RGS6: variants seen among roughly 807,000 people sequenced by gnomAD.
The protein encoded by RGS6 is regulator of G protein signaling 6.
RGS6 carries 30 observed loss-of-function variants against 78.5 expected under a neutral mutation model. That is an observed-to-expected ratio of 0.38 (90% CI 0.29 to 0.52). The LOEUF (loss-of-function observed/expected upper bound fraction) is 0.52. RGS6 is among the 20% of genes least tolerant of loss of function. The probability of loss-of-function intolerance (pLI) is 0.85; values close to 1 mark genes in which losing one functional copy is unlikely to be tolerated. For missense variants in RGS6, 495 were observed against 609.7 expected, an observed-to-expected ratio of 0.81 and a Z score of 1.98; for synonymous variants, 206 against 206.0, an observed-to-expected ratio of 1.00 and a Z score of 0.00.
chr14:72,262,753 C>A (rs1381401766), intron 2 of RGS6, among the ~76,000 whole-genome samples: 3 of 152,208 alleles, frequency 2.0e-5, no homozygotes, highest in Non-Finnish European at 4.4e-5. Flanking sequence ...AAACTCAACT[C>A]AAACTAGCTG....
rs1373423092 is a variant in RGS6 at position 71,981,830 on chromosome 14, G to GGCT, written c.84+16959_84+16961dup. Among the ~76,000 whole-genome samples, 3 of 129,214 alleles carry GGCT rather than the reference G, an allele frequency of 2.3e-5. No individual in the cohort carries two copies. In the Admixed American group the frequency reaches 2.4e-4, roughly 10 times the overall value. The allele number at this position is 129,214 out of a possible 152,430, so 84.8% of individuals were successfully genotyped here. A position where few individuals can be genotyped will look rare whatever the true frequency, so the allele number is the denominator to read the frequency against. ...GGGCTCCACCCAGTTCGAGCTTCCC[G>GGCT]GCTGCTTTGTTTACCTAAGCAAGCC... On this transcript the variant is annotated intron_variant, in intron 2 of 17. Coordinates refer to ENST00000553525, the MANE Select transcript of RGS6 (RefSeq NM_001204424.2).
intron 2 of RGS6, among the ~76,000 whole-genome samples, chr14:72,038,759 A>G (rs1184707937): frequency 6.6e-6 from 1 of 152,180 alleles, no homozygotes; most frequent in Non-Finnish European, 1.5e-5. Context: ...TTTTACATGT[A>G]CTCTACAACT....
intron 2 of RGS6, among the ~76,000 whole-genome samples, chr14:72,115,033 T>G (rs561522367): frequency 1.3e-5 from 2 of 152,284 alleles, no homozygotes; most frequent in South Asian, 4.1e-4. Flanking sequence ...CTATCTGGAG[T>G]CAAAGTCAAG....
At chr14:72,598,466 G>C in the RGS6 span, among the ~76,000 whole-genome samples, 1 of 152,266 alleles carries the variant, frequency 6.6e-6, no homozygotes, top group East Asian at 1.9e-4. Context: ...TGCAGGGAGA[G>C]AGAAGCCAGG....
chr14:72,583,044 T>C, the RGS6 span, among the ~76,000 whole-genome samples: 2 of 152,192 alleles, frequency 1.3e-5, no homozygotes, highest in South Asian at 4.1e-4. Flanking sequence ...AGCAAATTCA[T>C]TCTCTTCTGA....
At chr14:72,209,842 G>A (rs567822354) in intron 2 of RGS6, among the ~76,000 whole-genome samples, 2 of 152,290 alleles carry the variant, frequency 1.3e-5, no homozygotes, top group South Asian at 2.1e-4. Context: ...AATGAAGACT[G>A]TAGTATGGCC....
chr14:72,336,170 T>G (rs2075989108), intron 2 of RGS6, among the ~76,000 whole-genome samples: 1 of 152,254 alleles, frequency 6.6e-6, no homozygotes, highest in Non-Finnish European at 1.5e-5. Context: ...TTGTGTGTTG[T>G]TCTAACTATA....
chr14:72,334,965 CCTA>C (rs2075766942), intron 2 of RGS6, among the ~76,000 whole-genome samples: 5 of 152,134 alleles, frequency 3.3e-5, no homozygotes, highest in African/African-American at 1.2e-4. Flanking sequence ...AATTGTACCT[CCTA>C]TAATTCCCTT....
intron 8 of RGS6, 62 bp downstream of exon 8, chr14:72,470,145 T>C: frequency 7.9e-7 from 1 of 1,272,572 alleles, no homozygotes; most frequent in Non-Finnish European, 1.1e-6. Flanking sequence ...GGAAATGGTG[T>C]GAAGGTGGGA....
chr14:71,905,475 CCTT>C, the RGS6 span, among the ~76,000 whole-genome samples: 24 of 151,906 alleles, frequency 1.6e-4, no homozygotes, highest in African/African-American at 5.8e-4. Context: ...TAAACATTTT[CCTT>C]CTTCTCTCTG....
chr14:71,933,527 G>T (rs369276456), intron 1 of RGS6, among the ~76,000 whole-genome samples: 19 of 152,188 alleles, frequency 1.2e-4, no homozygotes, highest in African/African-American at 4.6e-4. Context: ...TGAAGAGACC[G>T]TGTTTACAGT....
chr14:72,525,890 A>G (rs1481649037), intron 15 of RGS6, among the ~76,000 whole-genome samples: 1 of 152,058 alleles, frequency 6.6e-6, no homozygotes, highest in Non-Finnish European at 1.5e-5. Context: ...TTTTTGGGAG[A>G]TGAACAGCAG....
intron 3 of RGS6, among the ~76,000 whole-genome samples, chr14:72,425,000 CAGTA>C (rs1027776271): frequency 6.6e-6 from 1 of 152,176 alleles, no homozygotes; most frequent in African/African-American, 2.4e-5. Flanking sequence ...AGGAAACATT[CAGTA>C]AGTGTTTGCT....
At chr14:72,346,213 T>A (rs2078014056) in intron 2 of RGS6, among the ~76,000 whole-genome samples, 1 of 152,200 alleles carries the variant, frequency 6.6e-6, no homozygotes, top group African/African-American at 2.4e-5. Context: ...CAATATAGTT[T>A]GCTATACTTT....
At chr14:72,606,949 ATGT>A in the RGS6 span, among the ~76,000 whole-genome samples, 1 of 152,156 alleles carries the variant, frequency 6.6e-6, no homozygotes, top group Non-Finnish European at 1.5e-5. Flanking sequence ...CAAGAAGCAG[ATGT>A]TGGTGCCATG....
rs758630035 is a variant in RGS6 at position 72,454,616 on chromosome 14, A to G, written c.235+38A>G. 2.5e-6 allele frequency: 4 copies of G among 1,569,178 alleles called. No individual in the cohort carries two copies. The Admixed American group carries it at 6.8e-5, about 27-fold the overall frequency. On this transcript the variant is annotated intron_variant, in intron 4 of 17. Coordinates refer to ENST00000553525, the MANE Select transcript of RGS6 (RefSeq NM_001204424.2). Reference sequence around the variant, plus strand: ...TGACCCCACCCTTATCTCCCCTGGTATCAGTAAACATCCCATAACCAAGTT... The same window carrying G: ...TGACCCCACCCTTATCTCCCCTGGTGTCAGTAAACATCCCATAACCAAGTT...
chr14:71,946,836 C>G (rs2091597123), intron 1 of RGS6, among the ~76,000 whole-genome samples: 1 of 152,138 alleles, frequency 6.6e-6, no homozygotes, highest in Non-Finnish European at 1.5e-5. Flanking sequence ...ACCTTTCTGG[C>G]AGGAGGAGTC....
intron 2 of RGS6, among the ~76,000 whole-genome samples, chr14:72,274,316 C>T (rs2060359172): frequency 6.6e-6 from 1 of 152,190 alleles, no homozygotes; most frequent in Non-Finnish European, 1.5e-5. Context: ...AACTCAGGTG[C>T]ATACCCCTGG....
chr14:72,603,572 C>T, the RGS6 span, among the ~76,000 whole-genome samples: 20 of 152,344 alleles, frequency 1.3e-4, no homozygotes, highest in South Asian at 4.1e-3. Flanking sequence ...TGAATATGAT[C>T]CAGGCAGTTG....
Sources: allele counts gnomAD v4.1 joint callset (sites outside exome capture counted in the v4.1 genomes callset), GRCh38; gene constraint gnomAD v4.1.1; transcripts MANE v1.5; gene names NCBI Gene and HGNC (gene_info 2026-07-23, HGNC 2026-07-21).